COL4A5: variants seen among roughly 807,000 people sequenced by gnomAD.
The protein encoded by COL4A5 is collagen alpha-5(IV) chain.
In COL4A5, 26 loss-of-function variants were observed where a neutral mutation model predicts 130.2. The ratio of observed to expected loss-of-function variants is 0.20; its 90% confidence interval spans 0.15 to 0.28. The LOEUF (loss-of-function observed/expected upper bound fraction) is 0.28. COL4A5 is among the 10% of genes least tolerant of loss of function. The pLI is 1.00. For synonymous variants in COL4A5, 496 were observed against 439.6 expected (o/e 1.13, Z -1.60); for missense variants, 1,131 against 1,344.3 (o/e 0.84, Z 2.48).
At chrX:108,564,821 A>G (rs2065944768) in intron 4 of COL4A5, among the ~76,000 whole-genome samples, 1 of 111,691 alleles carries the variant, frequency 9.0e-6, no homozygotes, top group Admixed American at 9.5e-5. Context: ...AATTTAGTAG[A>G]TGCATAATTT....
rs986012586 is a variant in COL4A5 at position 108,673,648 on chromosome X, T to C, written c.3800-1097T>C. Among the ~76,000 whole-genome samples, 3 of 109,493 alleles carry C rather than the reference T, an allele frequency of 2.7e-5. No homozygotes were observed. In the Admixed American group the frequency reaches 3.0e-4, roughly 11 times the overall value. ...GATAGGCTTCATATCTTGGAAAAGT[T>C]GAATCTTTATTTTTGTGTTCAATGT... On this transcript the variant is annotated intron_variant, in intron 42 of 52. Transcript: ENST00000328300.
At chrX:108,674,528 A>AGCTCTAT in intron 42 of COL4A5, 2 of 336,755 alleles carry the variant, frequency 5.9e-6, no homozygotes, top group South Asian at 2.0e-4. Context: ...CTTTAGAATA[A>AGCTCTAT]GCTCTATTTG....
intron 1 of COL4A5, among the ~76,000 whole-genome samples, chrX:108,518,670 A>T (rs1254365850): frequency 1.8e-5 from 2 of 111,301 alleles, no homozygotes; most frequent in Non-Finnish European, 3.8e-5. Flanking sequence ...TAAAAAATGC[A>T]TTTTTTTAAA....
chrX:108,622,260 C>T (rs1320815946), intron 32 of COL4A5, among the ~76,000 whole-genome samples: 1 of 111,570 alleles, frequency 9.0e-6, no homozygotes, highest in Non-Finnish European at 1.9e-5. Context: ...TCCCAAGTAG[C>T]TGGGAGTACA....
At position 108,532,576 on chromosome X, in the gene COL4A5, A is replaced by G. The variant is rs183242322; in HGVS notation, c.82-7170A>G. Reference sequence around the variant, plus strand: ...TCAACATAGTACTGGAGGTCCTATTAAGAGCAATCAAGCAAGTGAAAAATA... The same window carrying G: ...TCAACATAGTACTGGAGGTCCTATTGAGAGCAATCAAGCAAGTGAAAAATA... On this transcript the variant is annotated intron_variant, in intron 1 of 52. Transcript: ENST00000328300. 1.4e-4 allele frequency among the ~76,000 whole-genome samples: 16 copies of G among 111,421 alleles called. No homozygotes were observed. The East Asian group carries it at 3.9e-3, about 27-fold the overall frequency.
intron 38 of COL4A5, 84 bp downstream of exon 38, chrX:108,665,671 T>C: frequency 3.0e-6 from 2 of 660,588 alleles, no homozygotes; most frequent in East Asian, 6.9e-5. Flanking sequence ...CATGTTCAGC[T>C]GTGAACATTT....
chrX:108,442,748 CATT>C (rs760452812), intron 1 of COL4A5: 25 of 111,511 alleles, frequency 2.2e-4, no homozygotes, highest in African/African-American at 7.8e-4. Context: ...AACTTGTCAT[CATT>C]GTCATCATTA....
intron 1 of COL4A5, among the ~76,000 whole-genome samples, chrX:108,522,367 T>C (rs1170942586): frequency 2.8e-5 from 3 of 106,590 alleles, no homozygotes; most frequent in Admixed American, 1.1e-4. Context: ...TGCCCGACTT[T>C]TATAAAGTGG....
chrX:108,566,103 T>C (rs1180343876), intron 4 of COL4A5, among the ~76,000 whole-genome samples: 1 of 109,388 alleles, frequency 9.1e-6, no homozygotes, highest in Non-Finnish European at 1.9e-5. Context: ...CCATGGATGG[T>C]CATTATTTTG....
intron 1 of COL4A5, among the ~76,000 whole-genome samples, chrX:108,489,237 A>C (rs1363295484): frequency 4.5e-5 from 5 of 111,859 alleles, no homozygotes; most frequent in African/African-American, 1.6e-4. Context: ...GTGTTGACTG[A>C]TTCATAAATG....
chrX:108,577,855 G>A, intron 10 of COL4A5, 97 bp from the exon 11 acceptor site: 1 of 687,632 alleles, frequency 1.5e-6, no homozygotes, highest in East Asian at 3.6e-5. Context: ...CTATTTTGAT[G>A]GGCTTTTTCA....
intron 1 of COL4A5, among the ~76,000 whole-genome samples, chrX:108,521,397 A>G (rs1045729348): frequency 2.7e-5 from 3 of 111,039 alleles, no homozygotes; most frequent in East Asian, 5.6e-4. Context: ...TTGAGATAGT[A>G]TCTCACTTTG....
At chrX:108,545,239 G>C (rs1475390532) in intron 2 of COL4A5, among the ~76,000 whole-genome samples, 3 of 110,813 alleles carry the variant, frequency 2.7e-5, no homozygotes, top group African/African-American at 9.9e-5. Context: ...TTCTCTTGTG[G>C]GCATTTAGTG....
intron 30 of COL4A5, among the ~76,000 whole-genome samples, chrX:108,616,396 C>T (rs955177186): frequency 4.5e-5 from 5 of 110,160 alleles, no homozygotes; most frequent in African/African-American, 1.7e-4. Flanking sequence ...CCACCACGCC[C>T]GGCTAATTTT....
intron 1 of COL4A5, among the ~76,000 whole-genome samples, chrX:108,495,622 A>T (rs1291204336): frequency 8.9e-6 from 1 of 111,869 alleles, no homozygotes; most frequent in African/African-American, 3.2e-5. Flanking sequence ...TGGAGAAGAG[A>T]TGTGTGAATA....
At position 108,539,750 on chromosome X, in the gene COL4A5, G is replaced by T. The variant is rs1215962616; in HGVS notation, c.86G>T (p.Cys29Phe). 8.3e-7 allele frequency: 1 copy of T among 1,206,087 alleles called. No homozygotes were observed. Among genetic ancestry groups the T allele is most frequent in the Non-Finnish European group, 1.1e-6 (1 of 892,263 alleles). The change falls in exon 2 of 53, where the codon TGC becomes TTC. Residue 29 changes from cysteine (C) to phenylalanine (F), a missense_variant. Physicochemically the swap from Cys to Phe is radical, Grantham distance 205. Transcript: ENST00000328300. ...CCCTCTTTCTCTTCCTTATAGGCTT[G>T]CTATGGGTGTTCTCCAGGATCAAAG... ...LWGQPAEAAA[C>F]YGCSPGSKCD...
intron 1 of COL4A5, among the ~76,000 whole-genome samples, chrX:108,475,285 C>A (rs986876859): frequency 1.8e-5 from 2 of 110,700 alleles, no homozygotes; most frequent in Admixed American, 9.7e-5. Context: ...TTTATTATTT[C>A]TTGTAGTAGT....
At chrX:108,559,583 A>C (rs1035226241) in intron 3 of COL4A5, among the ~76,000 whole-genome samples, 2 of 111,719 alleles carry the variant, frequency 1.8e-5, no homozygotes, top group African/African-American at 6.5e-5. Flanking sequence ...ATTTGTCCCC[A>C]TGGTGCAGCA....
chrX:108,631,792 A>G (rs1451527128), intron 36 of COL4A5, among the ~76,000 whole-genome samples: 1 of 111,867 alleles, frequency 8.9e-6, no homozygotes, highest in Non-Finnish European at 1.9e-5. Context: ...ATGAAAAGAA[A>G]GACAACATTC....
Sources: allele counts gnomAD v4.1 joint callset (sites outside exome capture counted in the v4.1 genomes callset), GRCh38; gene constraint gnomAD v4.1.1; transcripts MANE v1.5; gene names NCBI Gene and HGNC (gene_info 2026-07-23, HGNC 2026-07-21).